Variants in TENM2 observed in about 807,000 individuals in gnomAD.
TENM2 encodes teneurin-2.
A neutral mutation model predicts 245.2 loss-of-function variants in TENM2; 52 were observed. The observed-to-expected ratio is 0.21, with a 90% CI of 0.17 to 0.27. The LOEUF (loss-of-function observed/expected upper bound fraction) is 0.27, where lower values mean the gene tolerates loss of function less well. TENM2 is among the 10% of genes least tolerant of loss of function. TENM2 has a pLI of 1.00. For missense variants in TENM2, 3,046 were observed against 3,666.8 expected (o/e 0.83, Z 4.37); for synonymous variants, 1,363 against 1,438.9 (o/e 0.95, Z 1.19).
At chr5:167,483,722 TC>T (rs1767901249) in intron 2 of TENM2, among the ~76,000 whole-genome samples, 1 of 152,224 alleles carries the variant, frequency 6.6e-6, no homozygotes, top group East Asian at 1.9e-4. Flanking sequence ...AAATCTTTAT[TC>T]TCTCTGGAAT....
chr5:168,214,243 C>T (rs1416252503), intron 20 of TENM2, among the ~76,000 whole-genome samples: 1 of 152,210 alleles, frequency 6.6e-6, no homozygotes, highest in East Asian at 1.9e-4. Context: ...CAGCCAGACA[C>T]ATGGCAGGGG....
At chr5:168,156,266 A>AAAAAC (rs1554210115) in intron 12 of TENM2, among the ~76,000 whole-genome samples, 3 of 148,366 alleles carry the variant, frequency 2.0e-5, no homozygotes, top group Middle Eastern at 3.3e-3. Context: ...AAAAAAAAAA[A>AAAAAC]CACTTTTTTT....
intron 1 of TENM2, among the ~76,000 whole-genome samples, chr5:167,351,676 A>T (rs982011232): frequency 6.6e-6 from 1 of 152,156 alleles, no homozygotes; most frequent in African/African-American, 2.4e-5. Flanking sequence ...ATATTGGGGG[A>T]CAAGGAATGG....
At chr5:167,264,105 C>CA in the TENM2 span, among the ~76,000 whole-genome samples, 1,912 of 106,884 alleles carry the variant, frequency 0.018, 30 homozygotes, top group Middle Eastern at 0.075. Context: ...AACTCTGTCT[C>CA]AAAAAAAAAA....
chr5:167,706,545 T>A (rs1010910931), intron 2 of TENM2, among the ~76,000 whole-genome samples: 4 of 152,084 alleles, frequency 2.6e-5, no homozygotes, highest in African/African-American at 9.6e-5. Context: ...TAAATAATGC[T>A]GCAGTGAACA....
At chr5:167,447,263 C>T (rs1457910047) in intron 2 of TENM2, among the ~76,000 whole-genome samples, 1 of 152,202 alleles carries the variant, frequency 6.6e-6, no homozygotes, top group Non-Finnish European at 1.5e-5. Flanking sequence ...AATAAAGCAA[C>T]ATGTGCTAAG....
intron 1 of TENM2, among the ~76,000 whole-genome samples, chr5:167,337,639 C>G (rs1043625019): frequency 1.3e-5 from 2 of 152,002 alleles, no homozygotes; most frequent in African/African-American, 4.8e-5. Context: ...CAGTCATCTT[C>G]CAGAAGATGA....
chr5:167,381,561 A>C (rs918285491), intron 2 of TENM2, among the ~76,000 whole-genome samples: 1 of 152,196 alleles, frequency 6.6e-6, no homozygotes, highest in African/African-American at 2.4e-5. Flanking sequence ...TTCTCAAAAC[A>C]TAAGAAGATT....
At chr5:168,143,201 G>A (rs1282538454) in intron 12 of TENM2, among the ~76,000 whole-genome samples, 12 of 151,876 alleles carry the variant, frequency 7.9e-5, no homozygotes, top group African/African-American at 2.4e-4. Flanking sequence ...ATAATTTGCA[G>A]TGGGGGTAAT....
At chr5:167,274,772 A>T in the TENM2 span, among the ~76,000 whole-genome samples, 1 of 151,878 alleles carries the variant, frequency 6.6e-6, no homozygotes, top group Non-Finnish European at 1.5e-5. Context: ...ACATGTTTTC[A>T]TATGTTTATC....
At chr5:167,389,644 A>T (rs1162324410) in intron 2 of TENM2, among the ~76,000 whole-genome samples, 1 of 152,156 alleles carries the variant, frequency 6.6e-6, no homozygotes, top group Admixed American at 6.6e-5. Flanking sequence ...TCCTGTGGAC[A>T]TCCCTGACTG....
chr5:167,554,269 A>G (rs1317242254), intron 2 of TENM2, among the ~76,000 whole-genome samples: 7 of 152,208 alleles, frequency 4.6e-5, no homozygotes, highest in Non-Finnish European at 1.0e-4. Flanking sequence ...CCTTGGTGCA[A>G]TAGCTAGCTG....
At chr5:166,983,557 A>G in the TENM2 span, among the ~76,000 whole-genome samples, 1 of 152,282 alleles carries the variant, frequency 6.6e-6, no homozygotes, top group East Asian at 1.9e-4. Context: ...TAACACAGCT[A>G]ATATGTTAGA....
chr5:167,288,591 A>G lies in TENM2; in HGVS notation c.226+3528A>G, dbSNP rs187485865. Among the ~76,000 whole-genome samples the G allele has an allele frequency of 7.2e-4, 110 of 152,140 alleles. 1 individual carries two copies. The Middle Eastern group carries it at 0.014, about 19-fold the overall frequency. On this transcript the variant is annotated intron_variant, in intron 1 of 28. Transcript: ENST00000518659. ...AAAAAAAAAGAAAAAGAAAAGAATA[A>G]TGGCGAACATTTGTTGAGTAGTTTG... is the stretch of plus-strand genomic sequence containing the variant.
At chr5:167,280,489 T>G (rs1304248641), upstream of TENM2, among the ~76,000 whole-genome samples, 1 of 152,162 alleles carries the variant, frequency 6.6e-6, no homozygotes, top group Non-Finnish European at 1.5e-5. Context: ...GGTTGGTGTC[T>G]ACTTGCAGCC....
chr5:167,026,012 C>A, the TENM2 span, among the ~76,000 whole-genome samples: 14 of 152,226 alleles, frequency 9.2e-5, no homozygotes, highest in African/African-American at 2.6e-4. Context: ...CATCCCTATC[C>A]TTTTTTCTTG....
chr5:167,840,370 A>G (rs982954651), intron 2 of TENM2, among the ~76,000 whole-genome samples: 141 of 152,324 alleles, frequency 9.3e-4, no homozygotes, highest in African/African-American at 3.2e-3. Flanking sequence ...AAAAAATATC[A>G]TGAGAGAGAA....
chr5:167,168,451 T>C, the TENM2 span: 2 of 152,212 alleles, frequency 1.3e-5, no homozygotes, highest in Non-Finnish European at 2.9e-5. Flanking sequence ...AATACCAGCA[T>C]CATCCTGAAA....
the TENM2 span, among the ~76,000 whole-genome samples, chr5:167,203,921 C>A: frequency 0.17 from 25,459 of 151,190 alleles, 2,288 homozygotes; most frequent in African/African-American, 0.21. Context: ...AGGATGAAAA[C>A]GGAGGGAAGG....
Sources: gnomAD v4.1 joint callset for allele counts (sites outside exome capture counted in the v4.1 genomes callset) on GRCh38, gnomAD v4.1.1 for gene constraint, MANE v1.5 for transcripts, NCBI Gene and HGNC (gene_info 2026-07-23, HGNC 2026-07-21) for gene names.